The following MAP7D2 variants were observed in gnomAD, a reference collection of about 807,000 sequenced individuals.
MAP7D2 encodes MAP7 domain-containing protein 2.
In MAP7D2, 33 loss-of-function variants were observed where a neutral mutation model predicts 63.5. The ratio of observed to expected loss-of-function variants is 0.52; its 90% CI spans 0.39 to 0.70. MAP7D2 has a LOEUF of 0.70. Among genes scored for constraint, MAP7D2 ranks in the 30% least tolerant of loss-of-function variants. The pLI, the probability that MAP7D2 is intolerant of heterozygous loss-of-function variation, is 0.00. For missense variants in MAP7D2, 626 were observed against 604.0 expected, an observed-to-expected ratio of 1.04 and a Z score of -0.38; for synonymous variants, 224 against 223.7, an observed-to-expected ratio of 1.00 and a Z score of -0.01.
chrX:20,063,859 G>C (rs758489795), intron 2 of MAP7D2, among the ~76,000 whole-genome samples: 1 of 112,389 alleles, frequency 8.9e-6, no homozygotes, highest in Admixed American at 9.4e-5. Flanking sequence ...GATGATGACC[G>C]TGAAGTTCAC....
chrX:20,056,766 CG>C lies in MAP7D2; in HGVS notation c.397del (p.Arg133GlyfsTer11). On this transcript the variant is annotated frameshift_variant, in exon 4 of 17. Coordinates refer to ENST00000379643, the MANE Select transcript of MAP7D2 (RefSeq NM_001168465.2). LOFTEE classifies it high-confidence loss of function. ...CAGCTGCTGTGTGCGCTCCAGGGACCGGCGCATCATCGCCTCCAGCCGTTCC... is the reference window on the plus strand; with the variant it reads ...CAGCTGCTGTGTGCGCTCCAGGGACCGCGCATCATCGCCTCCAGCCGTTCC... ...EEERLEAMMR[R>X]SLERTQQLEL... 8.3e-7 allele frequency: 1 copy of C among 1,210,971 alleles called. No individual in the cohort carries two copies. The highest frequency in any genetic ancestry group is 1.1e-6 in the Non-Finnish European group (1 of 895,173).
In MAP7D2 at chrX:20,056,712, G is replaced by A. The variant is rs750367268; in HGVS notation, c.452C>T (p.Ala151Val). 3 of 1,211,151 alleles carry A rather than the reference G, an allele frequency of 2.5e-6. No homozygotes were observed. Among genetic ancestry groups the A allele is most frequent in the East Asian group, 5.9e-5 (2 of 33,834 alleles). Residue 151 changes from alanine to valine, a missense_variant, in exon 4 of 17, where the codon GCA becomes GTA. Physicochemically the swap from Ala to Val is moderately conservative, Grantham distance 64 (BLOSUM62 0). Coordinates refer to ENST00000379643, the MANE Select transcript of MAP7D2 (RefSeq NM_001168465.2). The part of the protein sequence containing the change: ...LELKKKYSWG[A>V]PLAIGPGGHD... ...TCCTCCGGGTCCAATGGCCAGTGGT[G>A]CTCCCCACGAATACTTCTTTTTCAG...
At chrX:20,033,007 T>C (rs2074101281) in intron 8 of MAP7D2, among the ~76,000 whole-genome samples, 1 of 111,732 alleles carries the variant, frequency 8.9e-6, no homozygotes, top group South Asian at 3.7e-4. Flanking sequence ...CCAATAGCCA[T>C]CATCAACTGC....
Position 20,098,660 on chromosome X carries a change from G to A in MAP7D2, c.130+18090C>T, listed in dbSNP as rs569271913. On this transcript the variant is annotated intron_variant, in intron 1 of 16. Coordinates refer to ENST00000379643, the MANE Select transcript of MAP7D2 (RefSeq NM_001168465.2). ...CCCCTCCAGCCCCAGAGAATGTTGA[G>A]CGGAGATCCAGTGCCTGTCCTGGAA... Among the ~76,000 whole-genome samples, 5 of 111,741 alleles carry A rather than the reference G, an allele frequency of 4.5e-5. No homozygotes were observed. In the South Asian group the frequency reaches 1.9e-3, roughly 42 times the overall value.
intron 1 of MAP7D2, among the ~76,000 whole-genome samples, chrX:20,098,664 A>G (rs751431733): frequency 2.6e-4 from 29 of 111,726 alleles, no homozygotes; most frequent in Non-Finnish European, 4.5e-4. Context: ...TGTTGAGCGG[A>G]GATCCAGTGC....
At chrX:20,035,301 G>A (rs1194532107) in intron 8 of MAP7D2, among the ~76,000 whole-genome samples, 2 of 111,308 alleles carry the variant, frequency 1.8e-5, no homozygotes, top group Non-Finnish European at 3.8e-5. Flanking sequence ...CTTTGGATTA[G>A]GGCCTGTACT....
At chrX:20,090,220 C>A (rs1048114586) in intron 1 of MAP7D2, among the ~76,000 whole-genome samples, 9 of 110,006 alleles carry the variant, frequency 8.2e-5, no homozygotes, top group Non-Finnish European at 1.3e-4. Context: ...TCCGGCCGGG[C>A]ATGGTGGCTC....
Position 20,013,049 on chromosome X carries a change from C to T in MAP7D2, c.1885+5G>A, listed in dbSNP as rs1389833623. ...AAGAACCCAAGAACCAGATGTCACA[C>T]TCACCCATTTTGTTGGGGACAACCA... On this transcript the variant is annotated splice_donor_5th_base_variant and intron_variant, in intron 14 of 16. Transcript: ENST00000379643. The T allele has an allele frequency of 6.6e-6, 8 of 1,203,965 alleles. No homozygotes were observed. The highest frequency in any genetic ancestry group is 9.0e-6 in the Non-Finnish European group (8 of 889,736).
intron 6 of MAP7D2, chrX:20,049,798 C>T (rs2064897455): frequency 3.2e-6 from 1 of 316,502 alleles, no homozygotes; most frequent in South Asian, 2.9e-5. Context: ...ACATTCCCAC[C>T]AGCAGTGTGT....
intron 8 of MAP7D2, among the ~76,000 whole-genome samples, chrX:20,027,164 T>G (rs2073875062): frequency 1.8e-5 from 2 of 111,905 alleles, no homozygotes; most frequent in Non-Finnish European, 3.8e-5. Flanking sequence ...CCCTGTGTCC[T>G]CATGCCATTA....
At chrX:20,063,631 T>C in intron 2 of MAP7D2, 54 bp from the exon 3 acceptor site, 13 of 1,160,332 alleles carry the variant, frequency 1.1e-5, no homozygotes, top group Non-Finnish European at 1.5e-5. Flanking sequence ...CCATGCAGTT[T>C]GGATTAAGAC....
chrX:20,115,847 TAA>T (rs916096084), intron 1 of MAP7D2, among the ~76,000 whole-genome samples: 7 of 112,231 alleles, frequency 6.2e-5, no homozygotes, highest in African/African-American at 2.3e-4. Context: ...TAGACTGCAA[TAA>T]AAAATGTTTT....
chrX:20,046,904 G>A (rs2064812527), intron 6 of MAP7D2, among the ~76,000 whole-genome samples: 1 of 112,623 alleles, frequency 8.9e-6, no homozygotes, highest in African/African-American at 3.2e-5. Context: ...ATGATACAGG[G>A]ATACGGAAGG....
intron 1 of MAP7D2, among the ~76,000 whole-genome samples, chrX:20,081,161 T>C (rs2065767892): frequency 8.9e-6 from 1 of 112,377 alleles, no homozygotes; most frequent in Non-Finnish European, 1.9e-5. Flanking sequence ...CAGCAGGTAA[T>C]GACTGGTAAA....
rs769243681 is a variant in MAP7D2 at position 20,059,216 on chromosome X, A to G, written c.373-2425T>C. On this transcript the variant is annotated intron_variant, in intron 3 of 16. Transcript: ENST00000379643. ...TAGAGCAATAGTTCTCAAATCTGAG[A>G]GATCAGGTAGGAGAATCCCCTGGAG... is the stretch of plus-strand genomic sequence containing the variant. Among the ~76,000 whole-genome samples, 20 of 112,269 alleles carry G rather than the reference A, an allele frequency of 1.8e-4. No homozygotes were observed. In the Admixed American group the frequency reaches 1.8e-3, roughly 10 times the overall value.
chrX:20,051,854 A>G, intron 5 of MAP7D2, among the ~76,000 whole-genome samples: 1 of 112,476 alleles, frequency 8.9e-6, no homozygotes, highest in Admixed American at 9.4e-5. Context: ...TGACCAAAAT[A>G]TTTAGATCAG....
chrX:20,091,773 T>C (rs1250097640), intron 1 of MAP7D2, among the ~76,000 whole-genome samples: 2 of 111,775 alleles, frequency 1.8e-5, no homozygotes, highest in Non-Finnish European at 3.8e-5. Flanking sequence ...AGGAGATACA[T>C]ATATGGCATG....
Position 20,013,497 on chromosome X carries a change from T to C in MAP7D2, c.1806+72A>G, listed in dbSNP as rs186272122. On this transcript the variant is annotated intron_variant, in intron 13 of 16. Coordinates refer to ENST00000379643, the MANE Select transcript of MAP7D2 (RefSeq NM_001168465.2). Reference sequence around the variant, plus strand: ...GCTAATCGTCGCCAAGACCTACAATTTCACTGAGTGTATTCTGCTGTTCTT... The same window carrying C: ...GCTAATCGTCGCCAAGACCTACAATCTCACTGAGTGTATTCTGCTGTTCTT... 3,558 of 930,527 alleles carry C rather than the reference T, an allele frequency of 3.8e-3. 20 individuals are homozygous for C. The highest frequency in any genetic ancestry group is 3.0e-3 in the Non-Finnish European group (2,016 of 670,126). 76.7% of individuals were successfully genotyped at this position (930,527 alleles called of 1,213,427 possible).
chrX:20,061,312 G>A lies in MAP7D2; in HGVS notation c.372+2102C>T, dbSNP rs757319982. Among the ~76,000 whole-genome samples the A allele has an allele frequency of 1.5e-4, 17 of 110,399 alleles. No individual in the cohort carries two copies. The South Asian group carries it at 5.9e-3, about 39-fold the overall frequency. On this transcript the variant is annotated intron_variant, in intron 3 of 16. Coordinates refer to ENST00000379643, the MANE Select transcript of MAP7D2 (RefSeq NM_001168465.2). ...TCCCTTCTCCCTAAATGTCACCCAC[G>A]AGAATGCCAAAAAGGCCTCTGTGCC...
Sources: gnomAD v4.1 joint callset for allele counts (sites outside exome capture counted in the v4.1 genomes callset) on GRCh38, gnomAD v4.1.1 for gene constraint, MANE v1.5 for transcripts, NCBI Gene and HGNC (gene_info 2026-07-23, HGNC 2026-07-21) for gene names.